SLC41A2: variants seen among roughly 807,000 people sequenced by gnomAD.
SLC41A2 encodes solute carrier family 41 member 2, also known as SLC41A1-like 1.
In SLC41A2, 32 loss-of-function variants were observed where a neutral mutation model predicts 58.3. The ratio of observed to expected loss-of-function variants is 0.55; its 90% CI spans 0.41 to 0.74. The LOEUF is 0.74. Among genes scored for constraint, SLC41A2 ranks in the 30% least tolerant of loss-of-function variants. SLC41A2 has a pLI of 0.00. For synonymous variants in SLC41A2, 190 were observed against 235.0 expected, an observed-to-expected ratio of 0.81 and a Z score of 1.75; for missense variants, 514 against 680.6, an observed-to-expected ratio of 0.76 and a Z score of 2.72.
intron 1 of SLC41A2, among the ~76,000 whole-genome samples, chr12:104,945,461 C>T (rs1316730625): frequency 6.6e-6 from 1 of 151,884 alleles, no homozygotes; most frequent in Non-Finnish European, 1.5e-5. Flanking sequence ...GATCGCACCA[C>T]TGCACTCTAG....
Position 104,876,732 on chromosome 12 carries a change from T to G in SLC41A2, c.1027+9561A>C, listed in dbSNP as rs979458514. On this transcript the variant is annotated intron_variant, in intron 6 of 10. Coordinates refer to ENST00000258538, the MANE Select transcript of SLC41A2 (RefSeq NM_001352171.3). ...ATCCTGGATAATGTTCCACGTGCAC[T>G]TGAAAAGAATGTGTATTCCGCTGCT... Among the ~76,000 whole-genome samples the G allele has an allele frequency of 5.9e-5, 9 of 152,214 alleles. No homozygotes were observed. In the South Asian group the frequency reaches 8.3e-4, roughly 14 times the overall value.
At chr12:104,931,874 C>T (rs2047065640) in intron 1 of SLC41A2, 1 of 152,216 alleles carries the variant, frequency 6.6e-6, no homozygotes, top group Non-Finnish European at 1.5e-5. Context: ...AGTTAAAACC[C>T]ACTCCATTCC....
At chr12:104,907,792 G>A (rs1044131608) in intron 3 of SLC41A2, among the ~76,000 whole-genome samples, 1 of 152,204 alleles carries the variant, frequency 6.6e-6, no homozygotes, top group Non-Finnish European at 1.5e-5. Context: ...TTATTCCATA[G>A]GGTTGGTATA....
chr12:104,948,759 C>T (rs1328364608), intron 1 of SLC41A2, among the ~76,000 whole-genome samples: 1 of 152,232 alleles, frequency 6.6e-6, no homozygotes, highest in East Asian at 1.9e-4. Context: ...CATCAGTGTT[C>T]CCTCTCAGCT....
intron 6 of SLC41A2, 137 bp from the exon 7 acceptor site, chr12:104,866,716 TCAAA>T: frequency 1.6e-6 from 1 of 638,614 alleles, no homozygotes; most frequent in Non-Finnish European, 2.4e-6. Context: ...TCTATAAACT[TCAAA>T]CAAATTTATA....
In SLC41A2 at chr12:104,804,787, G is replaced by A. The variant is rs1202118986; in HGVS notation, c.*365C>T. 1 of 159,254 alleles carries A rather than the reference G, an allele frequency of 6.3e-6. No individual in the cohort carries two copies. The highest frequency in any genetic ancestry group is 1.4e-5 in the Non-Finnish European group (1 of 72,622). The allele number at this position is 159,254 out of a possible 1,614,324, so 9.9% of individuals were successfully genotyped here. A position where few individuals can be genotyped will look rare whatever the true frequency, so the allele number is the denominator to read the frequency against. ...GTGAGACAAGAAAGGCTAAACTAGA[G>A]CTCTGCTTCTTCTAATCCTGCATTA... On this transcript the variant is annotated 3_prime_UTR_variant, in exon 11 of 11. Transcript: ENST00000258538.
intron 10 of SLC41A2, among the ~76,000 whole-genome samples, chr12:104,842,835 T>C (rs1471430822): frequency 6.6e-6 from 1 of 152,112 alleles, no homozygotes; most frequent in African/African-American, 2.4e-5. Context: ...GATAGTATAA[T>C]GGCACAGAAC....
At chr12:104,906,313 AC>A (rs2045847503) in intron 3 of SLC41A2, among the ~76,000 whole-genome samples, 1 of 152,200 alleles carries the variant, frequency 6.6e-6, no homozygotes, top group South Asian at 2.1e-4. Context: ...CTGAAGGCAG[AC>A]CATGCCACCA....
intron 2 of SLC41A2, among the ~76,000 whole-genome samples, chr12:104,918,588 T>C (rs1301840082): frequency 3.0e-5 from 4 of 132,376 alleles, no homozygotes; most frequent in Admixed American, 8.3e-5. Context: ...TATATATTAA[T>C]GCAAATACAT....
intron 7 of SLC41A2, among the ~76,000 whole-genome samples, chr12:104,865,471 C>A (rs2043396455): frequency 6.6e-6 from 1 of 152,162 alleles, no homozygotes; most frequent in African/African-American, 2.4e-5. Flanking sequence ...TTCCTCATTG[C>A]AGCTTTCAGA....
intron 3 of SLC41A2, among the ~76,000 whole-genome samples, chr12:104,903,279 A>G (rs1356159501): frequency 3.9e-5 from 6 of 152,198 alleles, no homozygotes; most frequent in African/African-American, 1.2e-4. Context: ...AAAAATATCT[A>G]TCAGATCACA....
intron 2 of SLC41A2, among the ~76,000 whole-genome samples, chr12:104,912,699 A>G (rs1276301352): frequency 6.6e-6 from 1 of 152,186 alleles, no homozygotes; most frequent in Non-Finnish European, 1.5e-5. Flanking sequence ...CGAAGAGGAG[A>G]TCACCGGAAC....
chr12:104,815,191 T>C (rs2041339948), intron 10 of SLC41A2, among the ~76,000 whole-genome samples: 2 of 152,242 alleles, frequency 1.3e-5, no homozygotes, highest in African/African-American at 4.8e-5. Context: ...AATAAATTAT[T>C]AAAATGACAA....
At chr12:104,923,579 G>C (rs1305947503) in intron 2 of SLC41A2, among the ~76,000 whole-genome samples, 2 of 151,744 alleles carry the variant, frequency 1.3e-5, no homozygotes, top group African/African-American at 4.8e-5. Context: ...CTTTTAGCTA[G>C]ACTATGAAAA....
At chr12:104,853,932 T>TTATTTTTATTTTTA (rs2042921148) in intron 8 of SLC41A2, among the ~76,000 whole-genome samples, 1 of 139,438 alleles carries the variant, frequency 7.2e-6, no homozygotes, top group African/African-American at 2.7e-5. Flanking sequence ...TTTTTTTTTT[T>TTATTTTTATTTTTA]TTTTTTTAGT....
At chr12:104,937,842 T>C (rs2047345083) in intron 1 of SLC41A2, among the ~76,000 whole-genome samples, 1 of 152,172 alleles carries the variant, frequency 6.6e-6, no homozygotes, top group Non-Finnish European at 1.5e-5. Context: ...CACCTCCCAA[T>C]ACATTCAAAA....
chr12:104,861,923 G>A (rs994022676), intron 7 of SLC41A2, among the ~76,000 whole-genome samples: 1 of 152,208 alleles, frequency 6.6e-6, no homozygotes, highest in Non-Finnish European at 1.5e-5. Flanking sequence ...CACAGAAAGA[G>A]CTGATCTTGA....
intron 2 of SLC41A2, among the ~76,000 whole-genome samples, chr12:104,922,492 A>C (rs2046645273): frequency 6.6e-6 from 1 of 152,236 alleles, no homozygotes; most frequent in East Asian, 1.9e-4. Context: ...ATATATATAT[A>C]TCCACCCAAC....
chr12:104,860,364 C>T (rs888169830), intron 8 of SLC41A2, among the ~76,000 whole-genome samples: 5 of 148,160 alleles, frequency 3.4e-5, no homozygotes, highest in African/African-American at 5.0e-5. Flanking sequence ...CAAACCTGCA[C>T]GTTCTGCACA....
Sources: allele counts gnomAD v4.1 joint callset (sites outside exome capture counted in the v4.1 genomes callset), GRCh38; gene constraint gnomAD v4.1.1; transcripts MANE v1.5; gene names NCBI Gene and HGNC (gene_info 2026-07-23, HGNC 2026-07-21).